MED13L: variants seen among roughly 807,000 people sequenced by gnomAD.
The protein encoded by MED13L is mediator complex subunit 13L.
Under a neutral mutation model 220.9 loss-of-function variants are expected in MED13L, and 7 were observed. The observed-to-expected ratio is 0.03, with a 90% CI of 0.02 to 0.06. The LOEUF is 0.06. Among genes scored for constraint, MED13L ranks in the 10% least tolerant of loss-of-function variants. The pLI, the probability that MED13L is intolerant of heterozygous loss-of-function variation, is 1.00. For synonymous variants in MED13L, 1,011 were observed against 1,015.2 expected, an observed-to-expected ratio of 1.00 and a Z score of 0.08; for missense variants, 1,965 against 2,760.5, an observed-to-expected ratio of 0.71 and a Z score of 6.46.
intron 2 of MED13L, among the ~76,000 whole-genome samples, chr12:116,197,350 A>T (rs1009944132): frequency 6.6e-5 from 10 of 151,724 alleles, no homozygotes; most frequent in Admixed American, 3.9e-4. Context: ...GCCATAAGGA[A>T]CTCTATCTCT....
At chr12:116,085,726 T>C (rs1219477133) in intron 4 of MED13L, among the ~76,000 whole-genome samples, 1 of 135,364 alleles carries the variant, frequency 7.4e-6, no homozygotes, top group African/African-American at 2.8e-5. Context: ...ATTCTCATCT[T>C]CTAAATTCAA....
chr12:116,277,185 A>G lies in MED13L; in HGVS notation c.-54T>C. 1.5e-6 allele frequency: 2 copies of G among 1,344,238 alleles called. No homozygotes were observed. Among genetic ancestry groups the G allele is most frequent in the South Asian group, 2.9e-5 (2 of 69,546 alleles). The allele number at this position is 1,344,238 out of a possible 1,614,324, so 83.3% of individuals were successfully genotyped here. A position where few individuals can be genotyped will look rare whatever the true frequency, so the allele number is the denominator to read the frequency against. On this transcript the variant is annotated 5_prime_UTR_variant, in exon 1 of 31. Transcript: ENST00000281928. ...GGGGCATGTCGGAGCGAGGCGTCCG[A>G]GGCGAGGCCGGGCCGGGCGGCGGCG...
Position 115,983,072 on chromosome 12 carries a change from A to G in MED13L, c.4955+45T>C, listed in dbSNP as rs534104515. On this transcript the variant is annotated intron_variant, in intron 21 of 30. Transcript: ENST00000281928. ...AAAGGTGCAGAAGAAGAAGAGAGAA[A>G]GGGTCTGAGCTGAAGCCACTCATCT... 6.9e-6 allele frequency: 11 copies of G among 1,587,900 alleles called. No homozygotes were observed. In the Admixed American group the frequency reaches 1.5e-4, roughly 22 times the overall value.
At chr12:116,009,160 T>G (rs765222139) in intron 9 of MED13L, 28 bp from the exon 10 acceptor site, 1 of 1,612,942 alleles carries the variant, frequency 6.2e-7, no homozygotes, top group South Asian at 1.1e-5. Context: ...AATTACATCA[T>G]TATAACATTA....
chr12:116,025,147 CA>C (rs2137460093), intron 4 of MED13L, among the ~76,000 whole-genome samples: 1 of 152,220 alleles, frequency 6.6e-6, no homozygotes, highest in African/African-American at 2.4e-5. Context: ...CATGAGTAAT[CA>C]TCAGGGAAAG....
chr12:116,237,588 G>C lies in MED13L; in HGVS notation c.190C>G (p.Leu64Val). 6.2e-7 allele frequency: 1 copy of C among 1,614,192 alleles called. No individual in the cohort carries two copies. The highest frequency in any genetic ancestry group is 1.7e-5 in the Admixed American group (1 of 60,028). ...DPILLSFIRCLQANLLCVWRR... is the reference protein window; with the variant it reads ...DPILLSFIRCVQANLLCVWRR... ...CATACACAAAGCAGGTTAGCTTGCA[G>C]ACAGCGGATGAAACTTAACAGAATT... is the stretch of plus-strand genomic sequence containing the variant. Residue 64 changes from leucine (L) to valine (V), a missense_variant, in exon 2 of 31, where the codon CTG becomes GTG. Around this residue, in one of 10 missense-constraint regions of MED13L, gnomAD observed 818 missense variants for 1,041.2 expected, o/e 0.79. Transcript: ENST00000281928.
chr12:116,200,269 A>G (rs1170537396), intron 2 of MED13L, among the ~76,000 whole-genome samples: 1 of 152,130 alleles, frequency 6.6e-6, no homozygotes, highest in Non-Finnish European at 1.5e-5. Flanking sequence ...AATAATGGCC[A>G]CACTGCAGTC....
At chr12:116,245,700 A>G (rs1871038742) in intron 1 of MED13L, among the ~76,000 whole-genome samples, 1 of 152,040 alleles carries the variant, frequency 6.6e-6, no homozygotes, top group African/African-American at 2.4e-5. Flanking sequence ...TAAAATGTTT[A>G]GAAGATAAAG....
chr12:116,194,490 G>T (rs1881494000), intron 2 of MED13L, among the ~76,000 whole-genome samples: 1 of 152,090 alleles, frequency 6.6e-6, no homozygotes, highest in South Asian at 2.1e-4. Flanking sequence ...TAAGTACAGG[G>T]TATTTCCTAA....
At chr12:115,961,643 C>T (rs74790004) in intron 30 of MED13L, 274 of 546,236 alleles carry the variant, frequency 5.0e-4, no homozygotes, top group African/African-American at 4.7e-3. Context: ...TAGGAACTTG[C>T]GTGGACTGCA....
In MED13L at chr12:116,065,997, T is replaced by G. The variant is rs145848951; in HGVS notation, c.479+30672A>C. 9.8e-4 allele frequency among the ~76,000 whole-genome samples: 149 copies of G among 152,340 alleles called. 1 individual carries two copies. The East Asian group carries it at 0.026, about 27-fold the overall frequency. On this transcript the variant is annotated intron_variant, in intron 4 of 30. Transcript: ENST00000281928. ...AGAAGGAGCTATACAAGCACATAAC[T>G]GCAGAATCTGTGTGTGAATGCACAA...
Position 115,989,869 on chromosome 12 carries a change from T to C in MED13L, c.3934+1151A>G, listed in dbSNP as rs571463535. Among the ~76,000 whole-genome samples the C allele has an allele frequency of 8.0e-5, 12 of 149,798 alleles. 1 individual carries two copies. The South Asian group carries it at 2.5e-3, about 31-fold the overall frequency. ...TACTAGGTCTTCCTCACTAACCTCC[T>C]TGTCTCCCCAAATCCATTCCTGCCA... On this transcript the variant is annotated intron_variant, in intron 17 of 30. Transcript: ENST00000281928.
At chr12:116,076,356 G>C (rs1330493088) in intron 4 of MED13L, among the ~76,000 whole-genome samples, 1 of 152,012 alleles carries the variant, frequency 6.6e-6, no homozygotes, top group Admixed American at 6.5e-5. Flanking sequence ...GGACAACATA[G>C]TAGGACTCTA....
chr12:116,238,093 T>C (rs1372974200), intron 1 of MED13L, among the ~76,000 whole-genome samples: 4 of 152,258 alleles, frequency 2.6e-5, no homozygotes, highest in African/African-American at 7.2e-5. Context: ...AGTTTGTATA[T>C]ATGAAATAAT....
chr12:116,206,071 T>C (rs897992416), intron 2 of MED13L, among the ~76,000 whole-genome samples: 6 of 146,524 alleles, frequency 4.1e-5, no homozygotes, highest in Non-Finnish European at 6.0e-5. Context: ...TAAGTATTAT[T>C]ACCTTTTTTT....
chr12:115,986,670 A>AT (rs963829492), intron 18 of MED13L, among the ~76,000 whole-genome samples, 181 bp from the exon 19 acceptor site: 73 of 152,238 alleles, frequency 4.8e-4, no homozygotes, highest in African/African-American at 1.7e-3. Context: ...AGGACTCTTA[A>AT]TTAAGTAAGT....
At chr12:116,085,196 T>A (rs920902641) in intron 4 of MED13L, among the ~76,000 whole-genome samples, 2 of 152,190 alleles carry the variant, frequency 1.3e-5, no homozygotes, top group East Asian at 3.9e-4. Flanking sequence ...AGAATTGCAA[T>A]TCACAATCCA....
rs140155784 is a variant in MED13L at position 115,980,888 on chromosome 12, G to A, written c.5226C>T (p.Phe1742=). ...CCATGGACTTCAAGTATTGAATGTA[G>A]AAAACTTGCTCATCCTTCATTGTCT... ...MLQTMKDEQV[F]YIQYLKSMAF... The change falls in exon 23 of 31, where the codon TTC becomes TTT. Residue 1742 remains phenylalanine, a synonymous_variant. Coordinates refer to ENST00000281928, the MANE Select transcript of MED13L (RefSeq NM_015335.5). 1 of 1,612,974 alleles carries A rather than the reference G, an allele frequency of 6.2e-7. No homozygotes were observed. The highest frequency in any genetic ancestry group is 1.3e-5 in the African/African-American group (1 of 74,762).
chr12:115,981,439 G>A (rs1372500932), intron 22 of MED13L, among the ~76,000 whole-genome samples: 3 of 152,062 alleles, frequency 2.0e-5, no homozygotes, highest in Admixed American at 6.5e-5. Flanking sequence ...ACATTAAAAC[G>A]AAACCCAAAC....
Sources: gnomAD v4.1 joint callset for allele counts (sites outside exome capture counted in the v4.1 genomes callset) on GRCh38, gnomAD v4.1.1 for gene constraint, gnomAD v4.1.1 regional missense constraint, MANE v1.5 for transcripts, NCBI Gene and HGNC (gene_info 2026-07-23, HGNC 2026-07-21) for gene names.